PDE4D: variants seen among roughly 807,000 people sequenced by gnomAD.
The protein encoded by PDE4D is 3',5'-cyclic-AMP phosphodiesterase 4D.
PDE4D carries 24 observed loss-of-function variants against 87.4 expected under a neutral mutation model. The observed-to-expected ratio is 0.27, with a 90% CI of 0.20 to 0.39. The LOEUF (loss-of-function observed/expected upper bound fraction) is 0.39, where lower values mean the gene tolerates loss of function less well. PDE4D is among the 10% of genes least tolerant of loss of function. The pLI is 1.00. For missense variants in PDE4D, 714 were observed against 1,041.0 expected, an observed-to-expected ratio of 0.69 and a Z score of 4.32; for synonymous variants, 384 against 383.2, an observed-to-expected ratio of 1.00 and a Z score of -0.02.
At chr5:60,178,583 C>A (rs539719034) in intron 2 of PDE4D, among the ~76,000 whole-genome samples, 1 of 152,166 alleles carries the variant, frequency 6.6e-6, no homozygotes, top group East Asian at 1.9e-4. Context: ...TCAAATAGAA[C>A]CCTGCTGGCA....
At chr5:59,395,887 A>C (rs1347320467) in intron 1 of PDE4D, among the ~76,000 whole-genome samples, 2 of 119,734 alleles carry the variant, frequency 1.7e-5, no homozygotes, top group Non-Finnish European at 3.5e-5. Context: ...AAGTGCTTAA[A>C]GGAGCTGATG....
At chr5:59,857,940 A>G (rs1745694316) in intron 1 of PDE4D, among the ~76,000 whole-genome samples, 1 of 147,522 alleles carries the variant, frequency 6.8e-6, no homozygotes, top group Non-Finnish European at 1.5e-5. Context: ...AGGAAAGCAC[A>G]TAGGCAGTCA....
chr5:59,283,188 T>TA (rs996067521), intron 1 of PDE4D, among the ~76,000 whole-genome samples: 7 of 152,142 alleles, frequency 4.6e-5, no homozygotes, highest in African/African-American at 1.7e-4. Flanking sequence ...TATCTGCTAT[T>TA]AAAAATAAGT....
At position 60,202,720 on chromosome 5, in the gene PDE4D, T is replaced by C. The variant is rs562127378; in HGVS notation, c.-89-17033A>G. ...AAAATCAACCATGCGAGAAAACAAATGAATAAAAAATAAAATAAGGAGATG... is the reference window on the plus strand; with the variant it reads ...AAAATCAACCATGCGAGAAAACAAACGAATAAAAAATAAAATAAGGAGATG... On this transcript the variant is annotated intron_variant, in intron 1 of 16. Transcript: ENST00000502484. Among the ~76,000 whole-genome samples the C allele has an allele frequency of 4.0e-5, 6 of 151,370 alleles. No homozygotes were observed. In the South Asian group the frequency reaches 1.0e-3, roughly 26 times the overall value.
intron 2 of PDE4D, among the ~76,000 whole-genome samples, chr5:60,052,881 C>T (rs958962360): frequency 7.9e-5 from 12 of 152,150 alleles, no homozygotes; most frequent in Non-Finnish European, 1.3e-4. Flanking sequence ...CACAAACATT[C>T]CTATACATCA....
At chr5:60,249,878 C>A (rs1023092446) in intron 1 of PDE4D, among the ~76,000 whole-genome samples, 1 of 151,858 alleles carries the variant, frequency 6.6e-6, no homozygotes, top group African/African-American at 2.4e-5. Context: ...ACTACTAAGG[C>A]TAAAGATTAC....
chr5:59,829,669 T>G lies in PDE4D; in HGVS notation c.455+63499A>C, dbSNP rs963102418. 2.0e-5 allele frequency among the ~76,000 whole-genome samples: 3 copies of G among 152,234 alleles called. No individual in the cohort carries two copies. The East Asian group carries it at 5.8e-4, about 29-fold the overall frequency. ...ATTAGTAAGACCTACAAACATTTTG[T>G]CAGTGCCTATGTTAAGGCATTTTAA... is the stretch of plus-strand genomic sequence containing the variant. On this transcript the variant is annotated intron_variant, in intron 1 of 14. Coordinates refer to ENST00000340635, the MANE Select transcript of PDE4D (RefSeq NM_001104631.2).
chr5:59,572,503 C>T (rs542697446), intron 1 of PDE4D, among the ~76,000 whole-genome samples: 2 of 150,618 alleles, frequency 1.3e-5, no homozygotes, highest in African/African-American at 2.5e-5. Context: ...GTTTTTGAGA[C>T]GGAGTCTTGC....
At chr5:60,363,303 T>A (rs1760238489) in intron 1 of PDE4D, among the ~76,000 whole-genome samples, 1 of 152,236 alleles carries the variant, frequency 6.6e-6, no homozygotes, top group African/African-American at 2.4e-5. Flanking sequence ...AATTTGCTGC[T>A]CAAATCATGT....
intron 5 of PDE4D, among the ~76,000 whole-genome samples, chr5:59,096,342 C>T (rs1005406533): frequency 1.3e-5 from 2 of 152,066 alleles, no homozygotes; most frequent in African/African-American, 4.8e-5. Context: ...TGTCATGGAG[C>T]CCAGTATACA....
At chr5:59,893,041 C>T (rs1751189365) in intron 1 of PDE4D, 127 bp downstream of exon 1, 2 of 986,594 alleles carry the variant, frequency 2.0e-6, no homozygotes, top group African/African-American at 3.3e-5. Context: ...TTGTCCTCCC[C>T]CAATTTCCAG....
At chr5:60,293,015 CTTTTTTT>C (rs1214916031) in intron 1 of PDE4D, among the ~76,000 whole-genome samples, 1 of 142,592 alleles carries the variant, frequency 7.0e-6, no homozygotes, top group Non-Finnish European at 1.5e-5. Flanking sequence ...AAATTCCCCC[CTTTTTTT>C]TTTGAGACAG....
At chr5:59,808,677 C>A (rs1469719959) in intron 1 of PDE4D, among the ~76,000 whole-genome samples, 1 of 152,184 alleles carries the variant, frequency 6.6e-6, no homozygotes, top group Non-Finnish European at 1.5e-5. Context: ...TTCAAAGAAC[C>A]CTTTTCCCCA....
intron 1 of PDE4D, among the ~76,000 whole-genome samples, chr5:59,424,761 A>G (rs1350610282): frequency 6.6e-6 from 1 of 152,206 alleles, no homozygotes; most frequent in African/African-American, 2.4e-5. Context: ...GGGTGGGGAC[A>G]CAGCCAAACC....
intron 1 of PDE4D, among the ~76,000 whole-genome samples, chr5:60,279,000 G>C (rs889663165): frequency 2.0e-5 from 3 of 152,136 alleles, no homozygotes; most frequent in African/African-American, 7.2e-5. Context: ...GTTAAGAGAT[G>C]CCATTTCTTA....
intron 1 of PDE4D, among the ~76,000 whole-genome samples, chr5:59,820,127 C>T (rs1446900488): frequency 6.6e-6 from 1 of 152,190 alleles, no homozygotes; most frequent in Non-Finnish European, 1.5e-5. Context: ...GAACAATCAA[C>T]CAAGATTTAA....
At chr5:60,392,442 T>A (rs2150029288) in intron 1 of PDE4D, among the ~76,000 whole-genome samples, 1 of 152,360 alleles carries the variant, frequency 6.6e-6, no homozygotes, top group South Asian at 2.1e-4. Context: ...AAGCCTCACC[T>A]CTTTCATTTG....
intron 1 of PDE4D, among the ~76,000 whole-genome samples, chr5:59,522,389 C>T (rs536372891): frequency 6.6e-6 from 1 of 152,206 alleles, no homozygotes; most frequent in Non-Finnish European, 1.5e-5. Flanking sequence ...GACTTAGAGA[C>T]AGTTGCTAGC....
intron 2 of PDE4D, among the ~76,000 whole-genome samples, chr5:60,141,217 G>T (rs903974646): frequency 7.9e-5 from 12 of 152,122 alleles, no homozygotes; most frequent in Admixed American, 2.0e-4. Flanking sequence ...CATCTTGGGG[G>T]TGGGTGACAG....
Sources: gnomAD v4.1 joint callset for allele counts (sites outside exome capture counted in the v4.1 genomes callset) on GRCh38, gnomAD v4.1.1 for gene constraint, MANE v1.5 for transcripts, NCBI Gene and HGNC (gene_info 2026-07-23, HGNC 2026-07-21) for gene names.